CTH: variants seen among roughly 807,000 people sequenced by gnomAD.
CTH encodes the protein cystathionase (cystathionine gamma-lyase).
Under a neutral mutation model 50.6 loss-of-function variants are expected in CTH, and 41 were observed. The ratio of observed to expected loss-of-function variants is 0.81; its 90% CI spans 0.63 to 1.05. The LOEUF is 1.05. CTH is among the 50% of genes least tolerant of loss of function. CTH has a pLI of 0.00. For missense variants in CTH, 470 were observed against 492.6 expected (o/e 0.95, Z 0.43); for synonymous variants, 156 against 168.9 (o/e 0.92, Z 0.59).
chr1:70,437,207 G>A (rs780812828), intron 10 of CTH, among the ~76,000 whole-genome samples: 15 of 152,042 alleles, frequency 9.9e-5, no homozygotes, highest in Non-Finnish European at 1.5e-4. Flanking sequence ...GGTTTGTTGC[G>A]AGAACATGGG....
chr1:70,416,828 C>G (rs1328412567), intron 2 of CTH, among the ~76,000 whole-genome samples: 1 of 152,018 alleles, frequency 6.6e-6, no homozygotes, highest in Non-Finnish European at 1.5e-5. Context: ...TCCCAAAGTG[C>G]TGGGATTACA....
At chr1:70,435,020 G>A (rs1381384917) in intron 9 of CTH, 105 bp from the exon 10 acceptor site, 53 of 1,057,974 alleles carry the variant, frequency 5.0e-5, no homozygotes, top group Non-Finnish European at 7.0e-5. Flanking sequence ...CAAAGTGCTG[G>A]GATTACAGGC....
intron 5 of CTH, among the ~76,000 whole-genome samples, chr1:70,424,659 A>C (rs1684307400): frequency 6.6e-6 from 1 of 152,158 alleles, no homozygotes; most frequent in South Asian, 2.1e-4. Context: ...ACCAGTTCTC[A>C]GGGCTGTGCG....
At position 70,432,063 on chromosome 1, in the gene CTH, A is replaced by G; in HGVS notation, c.725-20A>G. On this transcript the variant is annotated intron_variant, in intron 7 of 11. Coordinates refer to ENST00000370938, the MANE Select transcript of CTH (RefSeq NM_001902.6). ...CCATACCCTGCCTTCAAACTTATCC[A>G]GGATGTGTTCATTTTGCAGCTCTTG... is the stretch of plus-strand genomic sequence containing the variant. 6.2e-7 allele frequency: 1 copy of G among 1,613,778 alleles called. No homozygotes were observed. Among genetic ancestry groups the G allele is most frequent in the Non-Finnish European group, 8.5e-7 (1 of 1,179,944 alleles).
chr1:70,430,705 C>A (rs1424860105), intron 7 of CTH, among the ~76,000 whole-genome samples: 2 of 151,600 alleles, frequency 1.3e-5, no homozygotes, highest in Non-Finnish European at 1.5e-5. Flanking sequence ...CCATGCCCAG[C>A]TAATTTTTTA....
rs1684433466 is a variant in CTH, at chr1:70,430,205, C to T, written c.647-112C>T. The T allele has an allele frequency of 2.2e-5, 16 of 713,004 alleles. 1 individual carries two copies. The South Asian group carries it at 2.5e-4, about 11-fold the overall frequency. 44.2% of individuals were successfully genotyped at this position (713,004 alleles called of 1,614,324 possible). A position where few individuals can be genotyped will look rare whatever the true frequency, so the allele number is the denominator to read the frequency against. On this transcript the variant is annotated intron_variant, in intron 6 of 11. Coordinates refer to ENST00000370938, the MANE Select transcript of CTH (RefSeq NM_001902.6). The stretch of plus-strand genomic sequence containing the variant: ...TTAAACTTATTTTATAGAGCTTTTT[C>T]CCTGAGAGTTTTTTCAAGTGAAAAT...
chr1:70,438,860 G>GTGTGTGTA, intron 11 of CTH, 34 bp downstream of exon 11: 1 of 1,612,432 alleles, frequency 6.2e-7, no homozygotes, highest in Non-Finnish European at 8.5e-7. Flanking sequence ...GTGTGTGTGT[G>GTGTGTGTA]TGTGTGTGTC....
intron 5 of CTH, among the ~76,000 whole-genome samples, chr1:70,427,312 G>A (rs947737736): frequency 3.3e-5 from 5 of 152,050 alleles, no homozygotes; most frequent in African/African-American, 9.7e-5. Flanking sequence ...TTAATCTGAG[G>A]GATCTATCTC....
intron 3 of CTH, among the ~76,000 whole-genome samples, chr1:70,418,326 T>G (rs1684139046): frequency 6.6e-6 from 1 of 152,180 alleles, no homozygotes; most frequent in East Asian, 1.9e-4. Context: ...CTCAGCTCAC[T>G]GCAGTCTCCG....
At chr1:70,412,115 A>G (rs1166403795) in intron 1 of CTH, among the ~76,000 whole-genome samples, 2 of 152,208 alleles carry the variant, frequency 1.3e-5, no homozygotes, top group Non-Finnish European at 2.9e-5. Flanking sequence ...TTTTTTCCCA[A>G]TAAAGAAGCT....
At chr1:70,412,822 T>C (rs1470714861) in intron 1 of CTH, among the ~76,000 whole-genome samples, 1 of 152,162 alleles carries the variant, frequency 6.6e-6, no homozygotes, top group Admixed American at 6.5e-5. Flanking sequence ...TGGTAATTTG[T>C]TTTTTCATGA....
intron 4 of CTH, among the ~76,000 whole-genome samples, chr1:70,423,772 C>A (rs1284009561): frequency 6.6e-6 from 1 of 152,092 alleles, no homozygotes; most frequent in Non-Finnish European, 1.5e-5. Flanking sequence ...CTTCTTTAGT[C>A]TAAAGCCCAT....
At chr1:70,423,607 AT>A (rs1439328298) in intron 4 of CTH, among the ~76,000 whole-genome samples, 5 of 151,780 alleles carry the variant, frequency 3.3e-5, no homozygotes, top group African/African-American at 1.2e-4. Flanking sequence ...GTACAATGGC[AT>A]TTCGTTCAAC....
intron 3 of CTH, among the ~76,000 whole-genome samples, chr1:70,420,678 C>G (rs1684199732): frequency 6.6e-6 from 1 of 152,120 alleles, no homozygotes; most frequent in South Asian, 2.1e-4. Flanking sequence ...ATCATTTTAT[C>G]CCTCAGAAAT....
At chr1:70,433,272 G>T (rs940977670) in intron 8 of CTH, among the ~76,000 whole-genome samples, 1 of 152,146 alleles carries the variant, frequency 6.6e-6, no homozygotes, top group Non-Finnish European at 1.5e-5. Context: ...TGCCCTAAAG[G>T]TACTTTAGGT....
chr1:70,426,368 G>A (rs550005777), intron 5 of CTH, among the ~76,000 whole-genome samples: 1 of 152,148 alleles, frequency 6.6e-6, no homozygotes, highest in Non-Finnish European at 1.5e-5. Flanking sequence ...TCTCTATTCT[G>A]CAGAGTTCCT....
chr1:70,417,527 C>T lies in CTH; in HGVS notation c.251-410C>T, dbSNP rs182628807. The stretch of plus-strand genomic sequence containing the variant: ...CACGAAATCTTGACCTCAAATGATC[C>T]ACCTGCCTTGGGCTCCCAAAGTGCT... On this transcript the variant is annotated intron_variant, in intron 2 of 11. Transcript: ENST00000370938. 1.7e-3 allele frequency among the ~76,000 whole-genome samples: 256 copies of T among 152,130 alleles called. 1 individual carries two copies. In the Middle Eastern group the frequency reaches 0.027, roughly 16 times the overall value.
chr1:70,417,570 C>T (rs533893556), intron 2 of CTH, among the ~76,000 whole-genome samples: 6 of 152,288 alleles, frequency 3.9e-5, no homozygotes, highest in Admixed American at 3.3e-4. Context: ...TAGGCATTAG[C>T]CACCACGCCT....
intron 10 of CTH, among the ~76,000 whole-genome samples, chr1:70,436,310 G>A (rs1180730784): frequency 2.0e-5 from 3 of 152,022 alleles, no homozygotes; most frequent in Non-Finnish European, 2.9e-5. Context: ...CCTGGGTGAT[G>A]CAGCGAGACT....
Sources: allele counts gnomAD v4.1 joint callset (sites outside exome capture counted in the v4.1 genomes callset), GRCh38; gene constraint gnomAD v4.1.1; transcripts MANE v1.5; gene names NCBI Gene and HGNC (gene_info 2026-07-23, HGNC 2026-07-21).